RBFOX1: variants seen among roughly 807,000 people sequenced by gnomAD.
RBFOX1 encodes the protein RNA binding fox-1 homolog 1, also known as RNA binding protein fox-1 homolog 1.
Under a neutral mutation model 57.7 loss-of-function variants are expected in RBFOX1, and 8 were observed. The observed-to-expected ratio is 0.14, with a 90% CI of 0.08 to 0.25. The LOEUF is 0.25. Ranked by LOEUF, RBFOX1 falls within the 10% of genes least tolerant of loss-of-function variation. The probability of loss-of-function intolerance (pLI) is 1.00; values close to 1 mark genes in which losing one functional copy is unlikely to be tolerated. For synonymous variants in RBFOX1, 326 were observed against 222.4 expected (o/e 1.47, Z -4.15); for missense variants, 611 against 548.5 (o/e 1.11, Z -1.14).
intron 4 of RBFOX1, among the ~76,000 whole-genome samples, chr16:7,395,314 T>C (rs1396164205): frequency 6.6e-6 from 1 of 152,228 alleles, no homozygotes; most frequent in Non-Finnish European, 1.5e-5. Context: ...AATGCAGAAG[T>C]CATCACTTTA....
intron 1 of RBFOX1, among the ~76,000 whole-genome samples, chr16:6,312,718 T>G (rs936624591): frequency 4.0e-4 from 58 of 145,024 alleles, no homozygotes; most frequent in Non-Finnish European, 5.9e-4. Flanking sequence ...CCTTCCTCCA[T>G]TCCTTCCTTC....
In RBFOX1 at chr16:7,097,014, G is replaced by A. The variant is rs9927621; in HGVS notation, c.27+44916G>A. ...TATTAAAGAGCTGTTACCAGAAAGCGAAATGAATCCTGGTTTGGTAAAAAC... is the reference window on the plus strand; with the variant it reads ...TATTAAAGAGCTGTTACCAGAAAGCAAAATGAATCCTGGTTTGGTAAAAAC... On this transcript the variant is annotated intron_variant, in intron 4 of 15. Transcript: ENST00000550418. 9.2e-3 allele frequency among the ~76,000 whole-genome samples: 1,385 copies of A among 150,776 alleles called. 13 individuals carry two copies. Among genetic ancestry groups the A allele is most frequent in the Non-Finnish European group, 0.014 (971 of 67,830 alleles).
intron 2 of RBFOX1, among the ~76,000 whole-genome samples, chr16:6,353,106 C>G (rs1274957134): frequency 1.3e-5 from 2 of 152,032 alleles, no homozygotes; most frequent in African/African-American, 4.8e-5. Flanking sequence ...GCCATAAATG[C>G]TTCTAATGTG....
intron 2 of RBFOX1, among the ~76,000 whole-genome samples, chr16:5,479,676 T>G (rs954836399): frequency 2.0e-5 from 3 of 152,046 alleles, no homozygotes; most frequent in African/African-American, 7.3e-5. Context: ...GGAGAATCGC[T>G]TGAACCCAGG....
chr16:6,221,742 G>A (rs772156086), intron 1 of RBFOX1, among the ~76,000 whole-genome samples: 47 of 152,128 alleles, frequency 3.1e-4, no homozygotes, highest in South Asian at 1.0e-3. Context: ...TGTGGTGGCT[G>A]GCAAAGAAAG....
chr16:7,023,043 A>G (rs1264441760), intron 3 of RBFOX1, among the ~76,000 whole-genome samples: 1 of 152,192 alleles, frequency 6.6e-6, no homozygotes, highest in East Asian at 1.9e-4. Flanking sequence ...AGGAATGACC[A>G]TTTGAAGTGT....
intron 4 of RBFOX1, among the ~76,000 whole-genome samples, chr16:7,343,191 C>G (rs1490939952): frequency 6.6e-6 from 1 of 152,214 alleles, no homozygotes; most frequent in African/African-American, 2.4e-5. Flanking sequence ...TCCCATCTGT[C>G]AGTGCCCGGT....
intron 3 of RBFOX1, among the ~76,000 whole-genome samples, chr16:7,016,899 A>T (rs1018795724): frequency 6.6e-6 from 1 of 152,140 alleles, no homozygotes; most frequent in Non-Finnish European, 1.5e-5. Flanking sequence ...GACCCTGTGT[A>T]CCAACCTTGA....
At chr16:6,418,372 A>G (rs11640874) in intron 2 of RBFOX1, among the ~76,000 whole-genome samples, 1,699 of 152,226 alleles carry the variant, frequency 0.011, 10 homozygotes, top group Non-Finnish European at 0.017. Context: ...AAGGGCACAT[A>G]ATAAGAGCTG....
chr16:5,694,711 A>G (rs988228398), intron 3 of RBFOX1, among the ~76,000 whole-genome samples: 2 of 151,808 alleles, frequency 1.3e-5, no homozygotes, highest in South Asian at 4.2e-4. Flanking sequence ...CCCGATTTAA[A>G]GTAGACCACT....
At chr16:6,814,253 G>C (rs183701238) in intron 3 of RBFOX1, among the ~76,000 whole-genome samples, 177 of 142,556 alleles carry the variant, frequency 1.2e-3, no homozygotes, top group African/African-American at 4.3e-3. Context: ...ATTGTGGTGG[G>C]GGGGAGGGAG....
chr16:6,841,698 T>A (rs7499073), intron 3 of RBFOX1, among the ~76,000 whole-genome samples: 73,548 of 151,758 alleles, frequency 0.48, 19,112 homozygotes, highest in East Asian at 0.74. Flanking sequence ...GATGGAGGCA[T>A]TGTCAGGGCA....
At chr16:5,618,665 C>G (rs927364951) in intron 3 of RBFOX1, among the ~76,000 whole-genome samples, 1 of 152,150 alleles carries the variant, frequency 6.6e-6, no homozygotes, top group Non-Finnish European at 1.5e-5. Context: ...GTAAGTTATA[C>G]CTCAAAAAAA....
chr16:6,483,565 T>G, intron 2 of RBFOX1: 2 of 1,534,236 alleles, frequency 1.3e-6, no homozygotes, highest in South Asian at 1.2e-5. Flanking sequence ...CGAAGAAGAC[T>G]CTAAAACACT....
At chr16:5,837,898 G>A (rs1033921270) in intron 3 of RBFOX1, among the ~76,000 whole-genome samples, 2 of 152,114 alleles carry the variant, frequency 1.3e-5, no homozygotes, top group African/African-American at 2.4e-5. Context: ...AGAGGACCCC[G>A]TGGGAGGTAG....
chr16:6,710,691 A>T (rs2063558828), intron 3 of RBFOX1, among the ~76,000 whole-genome samples: 1 of 152,230 alleles, frequency 6.6e-6, no homozygotes, highest in Non-Finnish European at 1.5e-5. Flanking sequence ...CAGTTTGGAA[A>T]TTCCCCACAT....
chr16:6,789,987 T>C (rs917573558), intron 3 of RBFOX1, among the ~76,000 whole-genome samples: 1 of 151,550 alleles, frequency 6.6e-6, no homozygotes, highest in Admixed American at 6.6e-5. Flanking sequence ...GTTTCTTACG[T>C]TTATGAATCC....
chr16:7,075,373 T>G (rs1176694412), intron 4 of RBFOX1, among the ~76,000 whole-genome samples: 2 of 152,234 alleles, frequency 1.3e-5, no homozygotes, highest in African/African-American at 4.8e-5. Context: ...TCAAAAACTT[T>G]CAGTTGCTGT....
intron 2 of RBFOX1, among the ~76,000 whole-genome samples, chr16:5,590,969 C>A (rs900029263): frequency 6.6e-6 from 1 of 151,870 alleles, no homozygotes; most frequent in Non-Finnish European, 1.5e-5. Context: ...GGACTCCTGT[C>A]GTCCAAAGCG....
Sources: gnomAD v4.1 joint callset for allele counts (sites outside exome capture counted in the v4.1 genomes callset) on GRCh38, gnomAD v4.1.1 for gene constraint, MANE v1.5 for transcripts, NCBI Gene and HGNC (gene_info 2026-07-23, HGNC 2026-07-21) for gene names.